LIFR: variants seen among roughly 807,000 people sequenced by gnomAD.
LIFR encodes the protein leukemia inhibitory factor receptor.
LIFR carries 84 observed loss-of-function variants against 122.2 expected under a neutral mutation model. That is an observed-to-expected ratio of 0.69 (90% CI 0.58 to 0.82). The LOEUF (loss-of-function observed/expected upper bound fraction) is 0.82. Ranked by LOEUF, LIFR falls within the 40% of genes least tolerant of loss-of-function variation. The pLI is 0.00. For missense variants in LIFR, 1,294 were observed against 1,311.6 expected (o/e 0.99, Z 0.21); for synonymous variants, 422 against 434.7 (o/e 0.97, Z 0.36).
intron 1 of LIFR, among the ~76,000 whole-genome samples, chr5:38,588,739 A>G (rs895788930): frequency 6.6e-5 from 10 of 152,346 alleles, no homozygotes; most frequent in African/African-American, 1.9e-4. Context: ...TACAATGCTC[A>G]GGAAAGAAAT....
Position 38,476,472 on chromosome 5 carries a change from G to A in LIFR, c.*5123C>T, listed in dbSNP as rs1488639505. On this transcript the variant is annotated 3_prime_UTR_variant, in exon 20 of 20. Coordinates refer to ENST00000453190, the MANE Select transcript of LIFR (RefSeq NM_001127671.2). ...ACTTAAGTGAGCCATTCAATCACGT[G>A]TGCAAAGTATTTTAGTCTTAAGGGC... The A allele has an allele frequency of 9.6e-6, 2 of 208,976 alleles. No individual in the cohort carries two copies. Among genetic ancestry groups the A allele is most frequent in the African/African-American group, 4.6e-5 (2 of 43,778 alleles). The allele number at this position is 208,976 out of a possible 1,614,324, so 12.9% of individuals were successfully genotyped here.
chr5:38,586,016 A>C lies in LIFR; in HGVS notation c.-20+9245T>G, dbSNP rs1749735726. Reference sequence around the variant, plus strand: ...AAGCAACTAAGCCGAGTGTAGCATCACTTTTGGTTACTTATCCGGTATCCG... The same window carrying C: ...AAGCAACTAAGCCGAGTGTAGCATCCCTTTTGGTTACTTATCCGGTATCCG... On this transcript the variant is annotated intron_variant, in intron 1 of 19. Coordinates refer to the LIFR transcript ENST00000263409. Among the ~76,000 whole-genome samples the C allele has an allele frequency of 2.0e-5, 3 of 151,840 alleles. No homozygotes were observed. In the South Asian group the frequency reaches 6.2e-4, roughly 32 times the overall value.
chr5:38,576,359 TC>T (rs988033290), intron 1 of LIFR, among the ~76,000 whole-genome samples: 1 of 152,308 alleles, frequency 6.6e-6, no homozygotes, highest in South Asian at 2.1e-4. Context: ...TAAAACCTGA[TC>T]ATGCCTTTCA....
rs916643657 is a variant in LIFR, at chr5:38,482,091, G to C, written c.2798C>G (p.Pro933Arg). Reference protein sequence around the residue: ...TEIISPVAERPEDRSDAEPEN... With the variant: ...TEIISPVAERREDRSDAEPEN... Reference sequence around the variant, plus strand: ...AGGCTCTGCATCAGAGCGATCTTCAGGACGCTCAGCTACTGGGGAAATTAT... The same window carrying C: ...AGGCTCTGCATCAGAGCGATCTTCACGACGCTCAGCTACTGGGGAAATTAT... Residue 933 changes from proline to arginine, a missense_variant, in exon 20 of 20, where the codon CCT (proline) becomes CGT (arginine). Transcript: ENST00000453190. 3.8e-6 allele frequency: 6 copies of C among 1,596,960 alleles called. No individual in the cohort carries two copies. The African/African-American group carries it at 5.4e-5, about 14-fold the overall frequency.
intron 18 of LIFR, among the ~76,000 whole-genome samples, chr5:38,483,997 C>T (rs904604164): frequency 6.6e-6 from 1 of 152,172 alleles, no homozygotes; most frequent in African/African-American, 2.4e-5. Context: ...CTGACCTCAC[C>T]TCATGTCACT....
At chr5:38,544,228 G>A (rs556209163) in intron 1 of LIFR, among the ~76,000 whole-genome samples, 58 of 152,044 alleles carry the variant, frequency 3.8e-4, no homozygotes, top group African/African-American at 1.3e-3. Context: ...AATCCACTCC[G>A]CACAAAGCAG....
intron 1 of LIFR, among the ~76,000 whole-genome samples, chr5:38,531,845 A>G (rs1490877267): frequency 1.3e-5 from 2 of 152,166 alleles, no homozygotes; most frequent in Non-Finnish European, 2.9e-5. Context: ...ACTGTCAAAA[A>G]CCCAGGAAAT....
upstream of LIFR, chr5:38,558,683 TAAC>T (rs958845381): frequency 3.9e-5 from 6 of 152,132 alleles, no homozygotes; most frequent in Admixed American, 1.3e-4. Context: ...TCAGGAAACT[TAAC>T]AATCGTGGTG....
At chr5:38,603,590 C>T (rs1750265062) in intron 2 of LIFR, among the ~76,000 whole-genome samples, 1 of 152,076 alleles carries the variant, frequency 6.6e-6, no homozygotes, top group Non-Finnish European at 1.5e-5. Flanking sequence ...AGAGATGCGC[C>T]CAGACAAAGG....
In LIFR at chr5:38,480,114, AAAAC is replaced by A. The variant is rs150617726; in HGVS notation, c.*1477_*1480del. 0.072 allele frequency: 16,332 copies of A among 228,112 alleles called. 2,212 individuals are homozygous for A. The highest frequency in any genetic ancestry group is 0.31 in the African/African-American group (13,715 of 44,800). 14.1% of individuals were successfully genotyped at this position (228,112 alleles called of 1,614,324 possible). ...TACATTACAGAATCTCAGATGATAA[AAAAC>A]AAACAAACAACCAAAAAAAACAAAC... On this transcript the variant is annotated 3_prime_UTR_variant, in exon 20 of 20. Transcript: ENST00000453190.
At chr5:38,587,726 C>G (rs1370923605) in intron 1 of LIFR, among the ~76,000 whole-genome samples, 1 of 152,190 alleles carries the variant, frequency 6.6e-6, no homozygotes. Flanking sequence ...TGCCCAAAGT[C>G]ACTTTAAAGC....
chr5:38,531,144 T>G (rs762220460), intron 1 of LIFR, among the ~76,000 whole-genome samples: 4 of 152,222 alleles, frequency 2.6e-5, no homozygotes, highest in Non-Finnish European at 5.9e-5. Context: ...TTCTATTTCA[T>G]ACAAATTTAA....
At position 38,502,809 on chromosome 5, in the gene LIFR, A is replaced by G; in HGVS notation, c.1438-10T>C. ...TGATTGTGACATTCCGCTATTGGAAAACAAATAAATATATATATATGTATA... is the reference window on the plus strand; with the variant it reads ...TGATTGTGACATTCCGCTATTGGAAGACAAATAAATATATATATATGTATA... On this transcript the variant is annotated splice_polypyrimidine_tract_variant and intron_variant, in intron 10 of 19. Coordinates refer to ENST00000453190, the MANE Select transcript of LIFR (RefSeq NM_001127671.2). 1 of 1,465,156 alleles carries G rather than the reference A, an allele frequency of 6.8e-7. No homozygotes were observed. The highest frequency in any genetic ancestry group is 9.4e-7 in the Non-Finnish European group (1 of 1,062,934). 90.8% of individuals were successfully genotyped at this position (1,465,156 alleles called of 1,614,324 possible).
chr5:38,478,177 CAATT>C lies in LIFR; in HGVS notation c.*3414_*3417del, dbSNP rs756440664. On this transcript the variant is annotated 3_prime_UTR_variant, in exon 20 of 20. Coordinates refer to ENST00000453190, the MANE Select transcript of LIFR (RefSeq NM_001127671.2). ...TTGTTAAATATGGACGGCATGAAGACAATTAAGAAACTATAGGACTTATTTCCAA... is the reference window on the plus strand; with the variant it reads ...TTGTTAAATATGGACGGCATGAAGACAAGAAACTATAGGACTTATTTCCAA... The C allele has an allele frequency of 2.4e-5, 5 of 208,422 alleles. No individual in the cohort carries two copies. Among genetic ancestry groups the C allele is most frequent in the Non-Finnish European group, 4.9e-5 (5 of 102,522 alleles). 12.9% of individuals were successfully genotyped at this position (208,422 alleles called of 1,614,324 possible).
chr5:38,582,201 C>A (rs1749611374), intron 1 of LIFR, among the ~76,000 whole-genome samples: 1 of 152,158 alleles, frequency 6.6e-6, no homozygotes, highest in Non-Finnish European at 1.5e-5. Flanking sequence ...GCACGTGACA[C>A]CATGCCTGGC....
Position 38,493,835 on chromosome 5 carries a change from A to G in LIFR, c.1886-50T>C, listed in dbSNP as rs776975091. 15 of 1,460,602 alleles carry G rather than the reference A, an allele frequency of 1.0e-5. No individual in the cohort carries two copies. The Admixed American group carries it at 2.3e-4, about 23-fold the overall frequency. 90.5% of individuals were successfully genotyped at this position (1,460,602 alleles called of 1,614,324 possible). A position where few individuals can be genotyped will look rare whatever the true frequency, so the allele number is the denominator to read the frequency against. On this transcript the variant is annotated intron_variant, in intron 13 of 19. Transcript: ENST00000453190. Reference sequence around the variant, plus strand: ...TACTGGCATTAAAAACAATAATATAAGGCAAATCTCATAAAAATGGACATG... The same window carrying G: ...TACTGGCATTAAAAACAATAATATAGGGCAAATCTCATAAAAATGGACATG...
chr5:38,537,328 G>C (rs1294208773), intron 1 of LIFR, among the ~76,000 whole-genome samples: 1 of 152,084 alleles, frequency 6.6e-6, no homozygotes, highest in Non-Finnish European at 1.5e-5. Flanking sequence ...GCCTCCAATG[G>C]AGTGCCCCCT....
At chr5:38,515,512 A>G (rs1746028619) in intron 5 of LIFR, among the ~76,000 whole-genome samples, 1 of 152,142 alleles carries the variant, frequency 6.6e-6, no homozygotes, top group Non-Finnish European at 1.5e-5. Context: ...TTTATAGACC[A>G]TAATACAAAT....
intron 1 of LIFR, chr5:38,531,051 T>C (rs936144838): frequency 5.8e-6 from 1 of 173,210 alleles, no homozygotes; most frequent in Non-Finnish European, 1.2e-5. Flanking sequence ...TTTTTATGTA[T>C]TTTATTAGTA....
Sources: allele counts gnomAD v4.1 joint callset (sites outside exome capture counted in the v4.1 genomes callset), GRCh38; gene constraint gnomAD v4.1.1; transcripts MANE v1.5; gene names NCBI Gene and HGNC (gene_info 2026-07-23, HGNC 2026-07-21).